CPVL: variants seen among roughly 807,000 people sequenced by gnomAD.
CPVL encodes carboxypeptidase vitellogenic like, also known as probable serine carboxypeptidase CPVL.
CPVL carries 51 observed loss-of-function variants against 63.7 expected under a neutral mutation model. The ratio of observed to expected loss-of-function variants is 0.80; its 90% CI spans 0.64 to 1.01. The LOEUF (loss-of-function observed/expected upper bound fraction) is 1.01, where lower values mean the gene tolerates loss of function less well. CPVL is among the 50% of genes least tolerant of loss of function. CPVL has a pLI of 0.00. For missense variants in CPVL, 530 were observed against 573.1 expected (o/e 0.92, Z 0.77); for synonymous variants, 195 against 206.0 (o/e 0.95, Z 0.46).
chr7:29,144,860 A>T (rs867443583), intron 1 of CPVL, among the ~76,000 whole-genome samples: 8 of 152,186 alleles, frequency 5.3e-5, no homozygotes, highest in South Asian at 2.1e-4. Context: ...TCAAACTGTC[A>T]GTCAAAACCC....
chr7:29,120,263 A>T (rs894834110), intron 2 of CPVL, among the ~76,000 whole-genome samples: 1 of 152,038 alleles, frequency 6.6e-6, no homozygotes, highest in Non-Finnish European at 1.5e-5. Context: ...CTCTACTAAA[A>T]ATACAAAAAT....
intron 11 of CPVL, among the ~76,000 whole-genome samples, chr7:29,047,364 T>C (rs1117873): frequency 0.52 from 78,306 of 151,988 alleles, 22,408 homozygotes; most frequent in Non-Finnish European, 0.64. Flanking sequence ...TTGGGAAACA[T>C]TGGACACACT....
At chr7:29,071,716 C>CCA in intron 9 of CPVL, 57 bp downstream of exon 9, 8 of 833,388 alleles carry the variant, frequency 9.6e-6, no homozygotes, top group South Asian at 1.7e-5. Flanking sequence ...CTCACCCGCC[C>CCA]TCCCTCCCCA....
At chr7:29,065,249 A>C (rs1243953791) in intron 10 of CPVL, among the ~76,000 whole-genome samples, 1 of 152,234 alleles carries the variant, frequency 6.6e-6, no homozygotes, top group Non-Finnish European at 1.5e-5. Flanking sequence ...ATCATCACAA[A>C]TTTTGTTTCT....
intron 7 of CPVL, among the ~76,000 whole-genome samples, chr7:29,078,189 A>G (rs1341124047): frequency 6.6e-6 from 1 of 152,252 alleles, no homozygotes; most frequent in East Asian, 1.9e-4. Flanking sequence ...AGAAACTTGC[A>G]AAATCTACAG....
At chr7:29,065,887 T>C (rs1290090907) in intron 10 of CPVL, 136 bp downstream of exon 10, 9 of 534,856 alleles carry the variant, frequency 1.7e-5, no homozygotes, top group Admixed American at 1.4e-4. Flanking sequence ...TATGGGTTAG[T>C]AGACCACATC....
chr7:29,170,424 T>C (rs1027050564), intron 5 of CPVL, among the ~76,000 whole-genome samples: 2 of 152,220 alleles, frequency 1.3e-5, no homozygotes, highest in African/African-American at 4.8e-5. Context: ...GCCCTTTCTT[T>C]AATTAATTTT....
At chr7:29,055,597 C>T (rs373378424) in intron 11 of CPVL, among the ~76,000 whole-genome samples, 3 of 152,156 alleles carry the variant, frequency 2.0e-5, no homozygotes, top group East Asian at 3.8e-4. Flanking sequence ...GCCAGAGTTC[C>T]TAGCACTGTG....
intron 12 of CPVL, among the ~76,000 whole-genome samples, chr7:28,997,183 A>C (rs1256221113): frequency 6.6e-6 from 1 of 152,230 alleles, no homozygotes; most frequent in Non-Finnish European, 1.5e-5. Context: ...TACATGCAGG[A>C]GAGGTCAGCC....
At chr7:29,059,637 C>T (rs1791077037) in intron 11 of CPVL, among the ~76,000 whole-genome samples, 1 of 152,152 alleles carries the variant, frequency 6.6e-6, no homozygotes, top group African/African-American at 2.4e-5. Context: ...CAAAATCCAA[C>T]ATCCTTTCTT....
chr7:29,120,144 G>A (rs1267394597), intron 2 of CPVL, among the ~76,000 whole-genome samples: 1 of 152,202 alleles, frequency 6.6e-6, no homozygotes, highest in Non-Finnish European at 1.5e-5. Flanking sequence ...GACATAGGCT[G>A]GGTGCGGTGG....
chr7:29,027,075 G>C (rs1387492046), intron 12 of CPVL, among the ~76,000 whole-genome samples: 2 of 152,102 alleles, frequency 1.3e-5, no homozygotes, highest in Non-Finnish European at 2.9e-5. Flanking sequence ...GAATATAGAT[G>C]TAAACATCCT....
chr7:28,996,627 A>G (rs866205237), intron 12 of CPVL, among the ~76,000 whole-genome samples: 2 of 152,114 alleles, frequency 1.3e-5, no homozygotes, highest in African/African-American at 4.8e-5. Context: ...TAGAGTTAGA[A>G]CATTCTTTTT....
chr7:29,152,756 C>T (rs1020957656), intron 5 of CPVL, among the ~76,000 whole-genome samples: 2 of 152,188 alleles, frequency 1.3e-5, no homozygotes, highest in Non-Finnish European at 2.9e-5. Flanking sequence ...TTGTCTCTTT[C>T]GGTGCACCCC....
intron 3 of CPVL, among the ~76,000 whole-genome samples, chr7:29,101,455 C>T (rs565849929): frequency 2.2e-4 from 33 of 152,172 alleles, no homozygotes; most frequent in East Asian, 1.7e-3. Context: ...ATTAGCTGGG[C>T]GTGGTGGCGG....
At chr7:29,000,559 G>A (rs771385206) in intron 12 of CPVL, among the ~76,000 whole-genome samples, 1 of 152,142 alleles carries the variant, frequency 6.6e-6, no homozygotes, top group African/African-American at 2.4e-5. Flanking sequence ...GCAGCAGTCT[G>A]TATGTCGTCC....
Position 29,006,280 on chromosome 7 carries a change from G to A in CPVL, c.1321-10398C>T, listed in dbSNP as rs116392518. On this transcript the variant is annotated intron_variant, in intron 12 of 12. Transcript: ENST00000265394. ...CTCTTCAGTTTACCCTCAGACTCCT[G>A]GTTCTCTGACATTTTGGCTGTCCTG... is the stretch of plus-strand genomic sequence containing the variant. Among the ~76,000 whole-genome samples, 823 of 152,212 alleles carry A rather than the reference G, an allele frequency of 5.4e-3. 6 individuals carry two copies. Among genetic ancestry groups the A allele is most frequent in the African/African-American group, 0.019 (778 of 41,514 alleles).
intron 5 of CPVL, among the ~76,000 whole-genome samples, chr7:29,158,715 T>A (rs1794767547): frequency 6.6e-6 from 1 of 152,200 alleles, no homozygotes; most frequent in Non-Finnish European, 1.5e-5. Context: ...AATATAAAAG[T>A]GTTCCTGGAG....
chr7:29,125,684 C>T (rs1318455364), intron 1 of CPVL, among the ~76,000 whole-genome samples: 5 of 145,742 alleles, frequency 3.4e-5, no homozygotes, highest in Non-Finnish European at 7.4e-5. Flanking sequence ...TGAGCCACCG[C>T]CCCCGGCCTA....
Sources: allele counts gnomAD v4.1 joint callset (sites outside exome capture counted in the v4.1 genomes callset), GRCh38; gene constraint gnomAD v4.1.1; transcripts MANE v1.5; gene names NCBI Gene and HGNC (gene_info 2026-07-23, HGNC 2026-07-21).